Variants in PDHX observed in about 807,000 individuals in gnomAD.
PDHX encodes the protein pyruvate dehydrogenase protein X component, mitochondrial.
A neutral mutation model predicts 55.3 loss-of-function variants in PDHX; 33 were observed. That is an observed-to-expected ratio of 0.60 (90% CI 0.45 to 0.80). The LOEUF is 0.80. Among genes scored for constraint, PDHX ranks in the 30% least tolerant of loss-of-function variants. The pLI, the probability that PDHX is intolerant of heterozygous loss-of-function variation, is 0.00. For synonymous variants in PDHX, 226 were observed against 219.4 expected (o/e 1.03, Z -0.27); for missense variants, 622 against 619.9 (o/e 1.00, Z -0.04).
At chr11:34,969,995 A>C (rs1855222541) in intron 6 of PDHX, 144 bp from the exon 7 acceptor site, 1 of 732,556 alleles carries the variant, frequency 1.4e-6, no homozygotes, top group Admixed American at 2.3e-5. Context: ...TAAGAATTTT[A>C]ATAGTGCTTT....
chr11:34,977,925 G>T (rs939183477), intron 7 of PDHX, 199 bp from the exon 8 acceptor site: 1 of 606,392 alleles, frequency 1.6e-6, no homozygotes, highest in African/African-American at 1.8e-5. Context: ...TACATTCATG[G>T]TTAATATTAT....
At chr11:34,920,617 A>G (rs1853854840) in intron 1 of PDHX, among the ~76,000 whole-genome samples, 2 of 152,188 alleles carry the variant, frequency 1.3e-5, no homozygotes, top group African/African-American at 4.8e-5. Context: ...ACAATTATCT[A>G]ACACTGAGTA....
At chr11:34,918,964 A>C (rs1327608402) in intron 1 of PDHX, among the ~76,000 whole-genome samples, 1 of 152,220 alleles carries the variant, frequency 6.6e-6, no homozygotes, top group Non-Finnish European at 1.5e-5. Flanking sequence ...CATTGGGCTC[A>C]TCTGGATGAT....
chr11:34,916,106 G>T, upstream of PDHX: 1 of 1,334,900 alleles, frequency 7.5e-7, no homozygotes. Context: ...CGAACGGCCA[G>T]GCCCGAAACC....
chr11:34,967,887 A>G (rs549484078), intron 6 of PDHX, among the ~76,000 whole-genome samples: 5 of 152,302 alleles, frequency 3.3e-5, no homozygotes, highest in African/African-American at 1.2e-4. Context: ...ATAAGATACT[A>G]TGTATATTGA....
At chr11:34,926,869 A>G (rs1027264433) in intron 1 of PDHX, among the ~76,000 whole-genome samples, 26 of 152,080 alleles carry the variant, frequency 1.7e-4, no homozygotes, top group African/African-American at 6.3e-4. Flanking sequence ...AAATTGGAAG[A>G]GCCCATTTGA....
At chr11:34,931,095 A>G (rs1337450161) in intron 1 of PDHX, among the ~76,000 whole-genome samples, 1 of 151,658 alleles carries the variant, frequency 6.6e-6, no homozygotes, top group Non-Finnish European at 1.5e-5. Context: ...ACCTAAATCA[A>G]TCCTAAATCA....
At chr11:34,933,922 A>C (rs1019113974) in intron 2 of PDHX, among the ~76,000 whole-genome samples, 1 of 152,182 alleles carries the variant, frequency 6.6e-6, no homozygotes, top group Non-Finnish European at 1.5e-5. Context: ...AGTAATACTA[A>C]AGAAAAAAAA....
intron 1 of PDHX, among the ~76,000 whole-genome samples, chr11:34,929,155 T>G (rs1056434442): frequency 1.9e-5 from 1 of 53,770 alleles, no homozygotes; most frequent in Admixed American, 1.4e-4. Flanking sequence ...TTTTTCCTCC[T>G]GTTTTTCATA....
chr11:34,982,953 G>A (rs947761898), intron 8 of PDHX, among the ~76,000 whole-genome samples: 5 of 152,018 alleles, frequency 3.3e-5, no homozygotes, highest in African/African-American at 7.2e-5. Context: ...TACCAAAGCC[G>A]GGCAGAGACA....
intron 2 of PDHX, among the ~76,000 whole-genome samples, chr11:34,933,427 T>G (rs1398031415): frequency 6.6e-6 from 1 of 152,224 alleles, no homozygotes; most frequent in Non-Finnish European, 1.5e-5. Context: ...TATGTTGGTA[T>G]TGTTATTCTA....
chr11:34,937,793 C>A (rs915955768), intron 2 of PDHX, among the ~76,000 whole-genome samples: 11 of 152,132 alleles, frequency 7.2e-5, no homozygotes, highest in Non-Finnish European at 1.5e-4. Flanking sequence ...GTGAAGTTGT[C>A]CTGGGCTGAT....
chr11:34,992,713 C>T (rs1395057349), intron 10 of PDHX, among the ~76,000 whole-genome samples: 1 of 152,074 alleles, frequency 6.6e-6, no homozygotes, highest in Non-Finnish European at 1.5e-5. Context: ...TTTATTATTG[C>T]AGCATATAAT....
At chr11:34,948,515 A>G (rs1854678857) in intron 3 of PDHX, among the ~76,000 whole-genome samples, 1 of 151,618 alleles carries the variant, frequency 6.6e-6, no homozygotes, top group African/African-American at 2.4e-5. Flanking sequence ...TACTCTAACT[A>G]GGTGCAAATC....
intron 8 of PDHX, among the ~76,000 whole-genome samples, chr11:34,981,981 GC>G (rs1855524369): frequency 6.6e-6 from 1 of 152,064 alleles, no homozygotes; most frequent in Non-Finnish European, 1.5e-5. Context: ...AGTTTCTTTT[GC>G]TGTGCAGAAG....
chr11:34,992,293 A>G (rs201938835), intron 9 of PDHX, 22 bp from the exon 10 acceptor site: 2 of 1,482,792 alleles, frequency 1.3e-6, no homozygotes, highest in South Asian at 1.1e-5. Flanking sequence ...TGGTTGTCCT[A>G]TTCTGTTTGT....
chr11:34,952,554 G>A (rs1454257338), intron 3 of PDHX, among the ~76,000 whole-genome samples: 1 of 150,756 alleles, frequency 6.6e-6, no homozygotes, highest in Non-Finnish European at 1.5e-5. Context: ...ATCAATAAAT[G>A]TAATCCAACA....
intron 2 of PDHX, among the ~76,000 whole-genome samples, chr11:34,932,685 T>A (rs2031687): frequency 0.35 from 53,770 of 151,992 alleles, 10,125 homozygotes; most frequent in East Asian, 0.74. Context: ...TTGGCACTAT[T>A]TAGAAAAATT....
intron 4 of PDHX, 93 bp from the exon 5 acceptor site, chr11:34,960,327 T>G (rs2133975373): frequency 2.5e-6 from 2 of 803,132 alleles, no homozygotes; most frequent in East Asian, 5.5e-5. Flanking sequence ...TAAGATTTTT[T>G]TTTAATTATT....
Sources: allele counts gnomAD v4.1 joint callset (sites outside exome capture counted in the v4.1 genomes callset), GRCh38; gene constraint gnomAD v4.1.1; transcripts MANE v1.5; gene names NCBI Gene and HGNC (gene_info 2026-07-23, HGNC 2026-07-21).